The following RNF20 variants were observed in gnomAD, a reference collection of about 807,000 sequenced individuals.
RNF20 encodes the protein E3 ubiquitin-protein ligase BRE1A.
RNF20 carries 84 observed loss-of-function variants against 126.2 expected under a neutral mutation model. The ratio of observed to expected loss-of-function variants is 0.67; its 90% CI spans 0.56 to 0.80. RNF20 has a LOEUF of 0.80. RNF20 is among the 30% of genes least tolerant of loss of function. The pLI is 0.00. For synonymous variants in RNF20, 400 were observed against 414.3 expected (o/e 0.97, Z 0.42); for missense variants, 869 against 1,188.2 (o/e 0.73, Z 3.95).
chr9:101,549,739 G>A (rs1462731788), intron 9 of RNF20, among the ~76,000 whole-genome samples: 1 of 152,202 alleles, frequency 6.6e-6, no homozygotes, highest in Non-Finnish European at 1.5e-5. Flanking sequence ...GGGCATAACA[G>A]AAGGCTCGCA....
intron 2 of RNF20, among the ~76,000 whole-genome samples, chr9:101,538,520 G>A (rs1454124846): frequency 6.6e-6 from 1 of 152,062 alleles, no homozygotes; most frequent in African/African-American, 2.4e-5. Flanking sequence ...TGGAAAATAA[G>A]GAGGATATTC....
Position 101,552,683 on chromosome 9 carries a change from GAGA to G in RNF20, c.1833_1835del (p.Lys612del), listed in dbSNP as rs1279177048. On this transcript the variant is annotated inframe_deletion, in exon 13 of 20. Transcript: ENST00000389120. ...AGAGAGAGATTCTGCTAAGGATAAAGAGAAAGGCAAACATGATGATGGACGGAA... is the reference window on the plus strand; with the variant it reads ...AGAGAGAGATTCTGCTAAGGATAAAGAAGGCAAACATGATGATGGACGGAA... 1 of 1,559,026 alleles carries G rather than the reference GAGA, an allele frequency of 6.4e-7. No homozygotes were observed. The highest frequency in any genetic ancestry group is 8.8e-7 in the Non-Finnish European group (1 of 1,130,158).
intron 13 of RNF20, among the ~76,000 whole-genome samples, chr9:101,553,563 C>T (rs1231522240): frequency 6.6e-6 from 1 of 151,792 alleles, no homozygotes; most frequent in Non-Finnish European, 1.5e-5. Context: ...TTTATTTCTC[C>T]CTCTTGAACT....
At chr9:101,545,992 A>G (rs1827341144) in intron 6 of RNF20, among the ~76,000 whole-genome samples, 1 of 152,036 alleles carries the variant, frequency 6.6e-6, no homozygotes, top group African/African-American at 2.4e-5. Flanking sequence ...GAATTTTTAC[A>G]TGTTGGCTGA....
rs183304353 is a variant in RNF20 at position 101,544,097 on chromosome 9, C to T, written c.629-670C>T. Among the ~76,000 whole-genome samples, 78 of 152,262 alleles carry T rather than the reference C, an allele frequency of 5.1e-4. 1 individual carries two copies. The highest frequency in any genetic ancestry group is 5.4e-4 in the Non-Finnish European group (37 of 68,010). Reference sequence around the variant, plus strand: ...GAGAGTATCTGGTTTCATTTAATTACATTTGGATTTCAGCTATAGTATTTG... The same window carrying T: ...GAGAGTATCTGGTTTCATTTAATTATATTTGGATTTCAGCTATAGTATTTG... On this transcript the variant is annotated intron_variant, in intron 5 of 19. Transcript: ENST00000389120.
At chr9:101,547,316 A>C in intron 8 of RNF20, 83 bp from the exon 9 acceptor site, 1 of 1,604,136 alleles carries the variant, frequency 6.2e-7, no homozygotes, top group Non-Finnish European at 8.5e-7. Context: ...TTTTGCTGGA[A>C]TAGCGAATCA....
chr9:101,540,537 G>C lies in RNF20; in HGVS notation c.345G>C (p.Gln115His), dbSNP rs756305470. 2 of 1,614,004 alleles carry C rather than the reference G, an allele frequency of 1.2e-6. No individual in the cohort carries two copies. Among genetic ancestry groups the C allele is most frequent in the South Asian group, 1.1e-5 (1 of 91,076 alleles). Reference protein sequence around the residue: ...RIILKRYDLEQGLGDLLTERK... With the variant: ...RIILKRYDLEHGLGDLLTERK... ...TCCTTAAACGTTATGATCTGGAGCA[G>C]GGCTTGGGAGACCTACTCACAGAAC... The change falls in exon 4 of 20, where the codon CAG becomes CAC. Residue 115 changes from glutamine to histidine, a missense_variant. Coordinates refer to ENST00000389120, the MANE Select transcript of RNF20 (RefSeq NM_019592.7).
chr9:101,540,721 GAA>G (rs1197446913), intron 4 of RNF20, 70 bp from the exon 5 acceptor site: 1 of 1,584,568 alleles, frequency 6.3e-7, no homozygotes, highest in East Asian at 2.2e-5. Context: ...CCATTTGAGG[GAA>G]AAAAAATGGA....
At chr9:101,539,623 A>G (rs1020661930) in intron 2 of RNF20, among the ~76,000 whole-genome samples, 1 of 152,202 alleles carries the variant, frequency 6.6e-6, no homozygotes, top group Admixed American at 6.5e-5. Flanking sequence ...AAGTTGGAAT[A>G]TAAGATTTCA....
chr9:101,550,578 T>G, intron 9 of RNF20, 28 bp from the exon 10 acceptor site: 1 of 1,601,658 alleles, frequency 6.2e-7, no homozygotes, highest in Non-Finnish European at 8.5e-7. Flanking sequence ...TAGATTCTGC[T>G]TCTGACTTTG....
At chr9:101,541,607 G>A (rs117045560) in intron 5 of RNF20, among the ~76,000 whole-genome samples, 7,764 of 152,048 alleles carry the variant, frequency 0.051, 265 homozygotes, top group East Asian at 0.091. Flanking sequence ...TCTGTTTATC[G>A]TGTATGTAGG....
intron 11 of RNF20, 25 bp downstream of exon 11, chr9:101,551,844 G>A (rs1827451653): frequency 1.3e-6 from 2 of 1,588,008 alleles, no homozygotes; most frequent in African/African-American, 1.4e-5. Context: ...ACTCCATGCT[G>A]TAGTTTGCTC....
intron 19 of RNF20, 40 bp from the exon 20 acceptor site, chr9:101,562,206 C>A: frequency 6.3e-7 from 1 of 1,591,550 alleles, no homozygotes; most frequent in Non-Finnish European, 8.6e-7. Flanking sequence ...GGATCATAAA[C>A]TTTCATGGTT....
chr9:101,534,931 G>C (rs1827158549), intron 1 of RNF20, among the ~76,000 whole-genome samples: 1 of 144,672 alleles, frequency 6.9e-6, no homozygotes, highest in Non-Finnish European at 1.5e-5. Context: ...TTTTTGAGAC[G>C]GAGTCCCGCT....
intron 16 of RNF20, among the ~76,000 whole-genome samples, chr9:101,558,190 G>A (rs1177235298): frequency 2.0e-5 from 3 of 151,616 alleles, no homozygotes; most frequent in South Asian, 4.2e-4. Context: ...GCCTCCCTCC[G>A]CCAAGTCACC....
At chr9:101,555,938 A>G (rs1227927978) in intron 15 of RNF20, among the ~76,000 whole-genome samples, 1 of 151,976 alleles carries the variant, frequency 6.6e-6, no homozygotes, top group East Asian at 1.9e-4. Context: ...AGCCTGGGCA[A>G]CAAGAGCAAA....
rs1254149404 is a variant in RNF20 at position 101,562,185 on chromosome 9, G to T, written c.2752-61G>T. On this transcript the variant is annotated intron_variant, in intron 19 of 19. Transcript: ENST00000389120. ...TTTTCTTCTTGGTTGTGTAGTATAT[G>T]AGAGCCATTTGGATCATAAACTTTC... 1.9e-6 allele frequency: 3 copies of T among 1,549,888 alleles called. No homozygotes were observed. The East Asian group carries it at 6.8e-5, about 35-fold the overall frequency.
chr9:101,561,764 G>T (rs1161657529), intron 18 of RNF20, 146 bp from the exon 19 acceptor site: 1 of 704,218 alleles, frequency 1.4e-6, no homozygotes, highest in Non-Finnish European at 2.6e-6. Context: ...CCTGCCATTT[G>T]CAGTTCTCTA....
intron 16 of RNF20, 82 bp downstream of exon 16, chr9:101,557,678 G>C: frequency 9.0e-7 from 1 of 1,114,148 alleles, no homozygotes; most frequent in Non-Finnish European, 1.3e-6. Flanking sequence ...AATGATTATT[G>C]TGGCACATTT....
Sources: allele counts gnomAD v4.1 joint callset (sites outside exome capture counted in the v4.1 genomes callset), GRCh38; gene constraint gnomAD v4.1.1; transcripts MANE v1.5; gene names NCBI Gene and HGNC (gene_info 2026-07-23, HGNC 2026-07-21).